The following AXL variants were observed in gnomAD, a reference collection of about 807,000 sequenced individuals.
The protein encoded by AXL is tyrosine-protein kinase receptor UFO.
A neutral mutation model predicts 104.5 loss-of-function variants in AXL; 52 were observed. That is an observed-to-expected ratio of 0.50 (90% confidence interval 0.40 to 0.63). The LOEUF is 0.63. Ranked by LOEUF, AXL falls within the 20% of genes least tolerant of loss-of-function variation. The pLI is 0.00. For synonymous variants in AXL, 455 were observed against 473.7 expected, an observed-to-expected ratio of 0.96 and a Z score of 0.51; for missense variants, 1,024 against 1,188.5, an observed-to-expected ratio of 0.86 and a Z score of 2.04.
intron 8 of AXL, among the ~76,000 whole-genome samples, 198 bp from the exon 9 acceptor site, chr19:41,238,966 G>A (rs1274343363): frequency 1.3e-5 from 2 of 151,996 alleles, no homozygotes; most frequent in South Asian, 2.1e-4. Context: ...GAGGGAGGAT[G>A]GAAAGGGAAG....
At chr19:41,238,404 C>A (rs936230365) in intron 7 of AXL, 66 bp from the exon 8 acceptor site, 3 of 1,576,068 alleles carry the variant, frequency 1.9e-6, no homozygotes, top group Non-Finnish European at 2.6e-6. Flanking sequence ...CACCCACTTC[C>A]TGGGAACAGG....
rs1174864827 is a variant in AXL, at chr19:41,252,344, C to T, written c.1712-7C>T. ...CTCCTCCTCACGACCTTTCTCTCTCCCTCAAGTTGCCATCTGCACGAGGTC... is the reference window on the plus strand; with the variant it reads ...CTCCTCCTCACGACCTTTCTCTCTCTCTCAAGTTGCCATCTGCACGAGGTC... On this transcript the variant is annotated splice_region_variant and splice_polypyrimidine_tract_variant and intron_variant, in intron 14 of 19. Coordinates refer to ENST00000301178, the MANE Select transcript of AXL (RefSeq NM_021913.5). The T allele has an allele frequency of 1.2e-5, 19 of 1,613,346 alleles. No individual in the cohort carries two copies. Among genetic ancestry groups the T allele is most frequent in the Non-Finnish European group, 1.6e-5 (19 of 1,179,748 alleles).
At chr19:41,220,494 A>T in intron 1 of AXL, 142 bp from the exon 2 acceptor site, 1 of 679,384 alleles carries the variant, frequency 1.5e-6, no homozygotes, top group Non-Finnish European at 2.5e-6. Context: ...CCTCCACCCC[A>T]CTCTGAGGTC....
intron 4 of AXL, among the ~76,000 whole-genome samples, chr19:41,223,359 T>G (rs1276141810): frequency 6.6e-6 from 1 of 152,098 alleles, no homozygotes; most frequent in Non-Finnish European, 1.5e-5. Context: ...AACCCTCTCC[T>G]TCTTGGGGAC....
At position 41,220,632 on chromosome 19, in the gene AXL, C is replaced by G. The variant is rs1599723240; in HGVS notation, c.86-4C>G. 1 of 1,563,490 alleles carries G rather than the reference C, an allele frequency of 6.4e-7. No homozygotes were observed. The highest frequency in any genetic ancestry group is 1.2e-5 in the South Asian group (1 of 85,410). On this transcript the variant is annotated splice_polypyrimidine_tract_variant and splice_region_variant and intron_variant, in intron 1 of 19. Transcript: ENST00000301178. ...TAAGCTAACTCTTCCCATCTCCCCT[C>G]CAGGCACGCAGGCTGAAGAAAGTCC...
chr19:41,235,699 C>G (rs2034067780), intron 6 of AXL, among the ~76,000 whole-genome samples: 1 of 152,166 alleles, frequency 6.6e-6, no homozygotes, highest in Non-Finnish European at 1.5e-5. Context: ...TAGGTCCCAG[C>G]TTCATCAGTG....
At chr19:41,229,047 T>A (rs2033931707) in intron 4 of AXL, among the ~76,000 whole-genome samples, 1 of 150,448 alleles carries the variant, frequency 6.6e-6, no homozygotes, top group South Asian at 2.1e-4. Flanking sequence ...CCTCCCGGGT[T>A]CAAGCTATTC....
In AXL at chr19:41,231,948, AC is replaced by A. The variant is rs200417932; in HGVS notation, c.783+651del. On this transcript the variant is annotated intron_variant, in intron 6 of 19. Transcript: ENST00000301178. ...TCTCAAAAAAAAAAAAGAAACAACA[AC>A]AAAAAAAATTTAACAAAATGAAAAT... Among the ~76,000 whole-genome samples the A allele has an allele frequency of 2.8e-3, 391 of 139,522 alleles. 1 individual carries two copies. Among genetic ancestry groups the A allele is most frequent in the Middle Eastern group, 6.8e-3 (2 of 292 alleles). The allele number at this position is 139,522 out of a possible 152,430, so 91.5% of individuals were successfully genotyped here.
At position 41,221,140 on chromosome 19, in the gene AXL, T is replaced by C. The variant is rs1343041826; in HGVS notation, c.309-6T>C. The C allele has an allele frequency of 6.2e-7, 1 of 1,613,306 alleles. No individual in the cohort carries two copies. The highest frequency in any genetic ancestry group is 8.5e-7 in the Non-Finnish European group (1 of 1,179,540). ...AACCTCTCTGTCTCTCCTCTTGCCC[T>C]GTCAGAATCACCTCCCTGCAGCTTT... On this transcript the variant is annotated splice_polypyrimidine_tract_variant and splice_region_variant and intron_variant, in intron 2 of 19. Coordinates refer to ENST00000301178, the MANE Select transcript of AXL (RefSeq NM_021913.5).
At chr19:41,227,944 A>G (rs1390680727) in intron 4 of AXL, among the ~76,000 whole-genome samples, 3 of 152,214 alleles carry the variant, frequency 2.0e-5, no homozygotes, top group Admixed American at 1.3e-4. Flanking sequence ...TAGGCCAACC[A>G]GAGTGGGATG....
intron 3 of AXL, 22 bp from the exon 4 acceptor site, chr19:41,221,858 C>T: frequency 6.2e-7 from 1 of 1,611,658 alleles, no homozygotes; most frequent in Non-Finnish European, 8.5e-7. Flanking sequence ...ACCCCAGCCT[C>T]TACCACTGCC....
At chr19:41,227,081 G>A (rs1297928411) in intron 4 of AXL, among the ~76,000 whole-genome samples, 1 of 152,116 alleles carries the variant, frequency 6.6e-6, no homozygotes, top group Non-Finnish European at 1.5e-5. Context: ...CTGGGAGATA[G>A]AGCAAGAACC....
Position 41,221,974 on chromosome 19 carries a change from C to T in AXL, c.504C>T (p.Pro168=), listed in dbSNP as rs1475115325. 1.2e-5 allele frequency: 19 copies of T among 1,611,556 alleles called. No individual in the cohort carries two copies. Among genetic ancestry groups the T allele is most frequent in the African/African-American group, 2.7e-5 (2 of 74,864 alleles). The change falls in exon 4 of 20, where the codon CCC becomes CCT. Residue 168 remains proline (P), a synonymous_variant. Coordinates refer to ENST00000301178, the MANE Select transcript of AXL (RefSeq NM_021913.5). The stretch of plus-strand genomic sequence containing the variant: ...GCCAAGCTCAGGGACCCCCAGAGCC[C>T]GTGGACCTACTCTGGCTCCAGGATG... The part of the protein sequence containing the change: ...LSCQAQGPPE[P]VDLLWLQDAV...
At position 41,219,469 on chromosome 19, in the gene AXL, C is replaced by A; in HGVS notation, c.77C>A (p.Ala26Asp). ...GCGCTGTGCGGCTGGGCGTGCATGG[C>A]CCCCAGGGGTGAGTGATGGGGGCTC... ...CLALCGWACMAPRGTQAEESP... is the reference protein window; with the variant it reads ...CLALCGWACMDPRGTQAEESP... Residue 26 changes from alanine (A) to aspartate (D), a missense_variant, in exon 1 of 20, where the codon GCC becomes GAC. Physicochemically the swap from Ala to Asp is moderately radical, Grantham distance 126. This residue lies in a region of AXL where 124 missense variants were observed against 115.5 expected (regional missense o/e 1.07). Transcript: ENST00000301178. 1 of 1,604,182 alleles carries A rather than the reference C, an allele frequency of 6.2e-7. No individual in the cohort carries two copies. Among genetic ancestry groups the A allele is most frequent in the Non-Finnish European group, 8.5e-7 (1 of 1,175,736 alleles).
intron 8 of AXL, 61 bp downstream of exon 8, chr19:41,238,670 AG>A: frequency 6.5e-7 from 1 of 1,543,450 alleles, no homozygotes; most frequent in South Asian, 1.2e-5. Flanking sequence ...AGAACATATC[AG>A]GGCAGACATA....
rs2034106847 is a variant in AXL, at chr19:41,237,842, G to A, written c.784-102G>A. On this transcript the variant is annotated intron_variant, in intron 6 of 19. Coordinates refer to ENST00000301178, the MANE Select transcript of AXL (RefSeq NM_021913.5). Reference sequence around the variant, plus strand: ...GGCACTGCAACACACACGCACCCTTGAAAAGTTGTGTAGTCACACCAGACC... The same window carrying A: ...GGCACTGCAACACACACGCACCCTTAAAAAGTTGTGTAGTCACACCAGACC... The A allele has an allele frequency of 4.4e-6, 5 of 1,134,228 alleles. No individual in the cohort carries two copies. The East Asian group carries it at 1.2e-4, about 28-fold the overall frequency. The allele number at this position is 1,134,228 out of a possible 1,614,324, so 70.3% of individuals were successfully genotyped here. A position where few individuals can be genotyped will look rare whatever the true frequency, so the allele number is the denominator to read the frequency against.
chr19:41,260,030 C>A lies in AXL; in HGVS notation c.*126C>A, dbSNP rs538730875. 28 of 842,726 alleles carry A rather than the reference C, an allele frequency of 3.3e-5. No homozygotes were observed. In the African/African-American group the frequency reaches 4.6e-4, roughly 14 times the overall value. The allele number at this position is 842,726 out of a possible 1,614,324, so 52.2% of individuals were successfully genotyped here. On this transcript the variant is annotated 3_prime_UTR_variant, in exon 20 of 20. Coordinates refer to ENST00000301178, the MANE Select transcript of AXL (RefSeq NM_021913.5). ...CTTGCAGCCCTGTCTTCCTACCTATCCCACCTCCATCCCAGACAGGTCCCT... is the reference window on the plus strand; with the variant it reads ...CTTGCAGCCCTGTCTTCCTACCTATACCACCTCCATCCCAGACAGGTCCCT...
intron 1 of AXL, 48 bp downstream of exon 1, chr19:41,219,525 G>A: frequency 4.5e-6 from 7 of 1,562,190 alleles, no homozygotes; most frequent in South Asian, 1.2e-5. Flanking sequence ...GGAGGGGCTG[G>A]GGCAGGGGTA....
In AXL at chr19:41,260,447, G is replaced by A. The variant is rs2034521898; in HGVS notation, c.*543G>A. On this transcript the variant is annotated 3_prime_UTR_variant, in exon 20 of 20. Coordinates refer to ENST00000301178, the MANE Select transcript of AXL (RefSeq NM_021913.5). ...CTGCCTTGGCCTCCCAAGTAGCTGGGATTACAGGTGTGTGCCACCACACCC... is the reference window on the plus strand; with the variant it reads ...CTGCCTTGGCCTCCCAAGTAGCTGGAATTACAGGTGTGTGCCACCACACCC... The A allele has an allele frequency of 6.4e-6, 1 of 156,330 alleles. No individual in the cohort carries two copies. Among genetic ancestry groups the A allele is most frequent in the South Asian group, 2.1e-4 (1 of 4,840 alleles). The allele number at this position is 156,330 out of a possible 1,614,324, so 9.7% of individuals were successfully genotyped here.
Sources: allele counts gnomAD v4.1 joint callset (sites outside exome capture counted in the v4.1 genomes callset), GRCh38; gene constraint gnomAD v4.1.1; regional missense constraint gnomAD v4.1.1; transcripts MANE v1.5; gene names NCBI Gene and HGNC (gene_info 2026-07-23, HGNC 2026-07-21).